The following SLAMF1 variants were observed in gnomAD, a reference collection of about 807,000 sequenced individuals.
The protein encoded by SLAMF1 is signaling lymphocytic activation molecule family member 1, also known as signaling lymphocytic activation molecule.
Under a neutral mutation model 35.1 loss-of-function variants are expected in SLAMF1, and 18 were observed. That is an observed-to-expected ratio of 0.51 (90% CI 0.35 to 0.76). The LOEUF (loss-of-function observed/expected upper bound fraction) is 0.76. Ranked by LOEUF, SLAMF1 falls within the 30% of genes least tolerant of loss-of-function variation. The pLI is 0.01. For missense variants in SLAMF1, 392 were observed against 413.0 expected (o/e 0.95, Z 0.44); for synonymous variants, 168 against 157.2 (o/e 1.07, Z -0.51).
intron 1 of SLAMF1, among the ~76,000 whole-genome samples, chr1:160,646,001 A>G (rs925971045): frequency 6.6e-6 from 1 of 152,170 alleles, no homozygotes; most frequent in East Asian, 1.9e-4. Flanking sequence ...AATAAGCAGA[A>G]GGAGATTCTC....
chr1:160,608,954 C>A lies in SLAMF1; in HGVS notation c.*1794G>T, dbSNP rs1394683632. On this transcript the variant is annotated 3_prime_UTR_variant, in exon 7 of 7. Coordinates refer to ENST00000302035, the MANE Select transcript of SLAMF1 (RefSeq NM_003037.5). The stretch of plus-strand genomic sequence containing the variant: ...TGCCAGATATTCAATTCCCAGCCCC[C>A]CTTGGAGATAGGACATGGACATGTG... 6.6e-6 allele frequency: 1 copy of A among 152,142 alleles called. No individual in the cohort carries two copies. The highest frequency in any genetic ancestry group is 2.4e-5 in the African/African-American group (1 of 41,420). The allele number at this position is 152,142 out of a possible 1,614,324, so 9.4% of individuals were successfully genotyped here. A position where few individuals can be genotyped will look rare whatever the true frequency, so the allele number is the denominator to read the frequency against.
chr1:160,638,155 T>TA lies in SLAMF1; in HGVS notation c.77-627dup, dbSNP rs11344567. 4.8e-3 allele frequency among the ~76,000 whole-genome samples: 714 copies of TA among 148,320 alleles called. 2 individuals are homozygous for TA. Among genetic ancestry groups the TA allele is most frequent in the Non-Finnish European group, 6.5e-3 (436 of 66,678 alleles). The stretch of plus-strand genomic sequence containing the variant: ...AAAAAAGCTGAGCCAACAACAAGGT[T>TA]AAAAAAAAAAATACCAAGAGCCTTT... On this transcript the variant is annotated intron_variant, in intron 1 of 6. Transcript: ENST00000302035.
At chr1:160,627,832 G>T (rs888358790) in intron 3 of SLAMF1, among the ~76,000 whole-genome samples, 2 of 152,022 alleles carry the variant, frequency 1.3e-5, no homozygotes, top group Admixed American at 1.3e-4. Flanking sequence ...GTTTGGCCAC[G>T]CCCCCACCCA....
chr1:160,637,214 A>G lies in SLAMF1; in HGVS notation c.392T>C (p.Phe131Ser). 1 of 1,614,014 alleles carries G rather than the reference A, an allele frequency of 6.2e-7. No homozygotes were observed. The highest frequency in any genetic ancestry group is 8.5e-7 in the Non-Finnish European group (1 of 1,179,940). ...TLEKNVSVQR[F>S]CLQLRLYEQV... Reference sequence around the variant, plus strand: ...ACCATAAAGCCTCAACTGCAGGCAAAAGCGCTGAACTGAAACATTTTTCTC... The same window carrying G: ...ACCATAAAGCCTCAACTGCAGGCAAGAGCGCTGAACTGAAACATTTTTCTC... Residue 131 changes from phenylalanine to serine, a missense_variant, in exon 2 of 7, where the codon TTT (phenylalanine) becomes TCT (serine). By Grantham distance (155) the Phe-to-Ser change is radical. Coordinates refer to ENST00000302035, the MANE Select transcript of SLAMF1 (RefSeq NM_003037.5).
intron 4 of SLAMF1, 45 bp downstream of exon 4, chr1:160,624,051 A>T (rs76675713): frequency 0.015 from 20,122 of 1,372,994 alleles, 168 homozygotes; most frequent in Non-Finnish European, 0.017. Context: ...TCCCCTGCTT[A>T]CCACAGAGAG....
intron 5 of SLAMF1, among the ~76,000 whole-genome samples, chr1:160,616,837 T>C (rs1483242876): frequency 6.6e-6 from 1 of 152,168 alleles, no homozygotes; most frequent in Non-Finnish European, 1.5e-5. Flanking sequence ...AATTAGACTG[T>C]TAATACCAAG....
Position 160,610,803 on chromosome 1 carries a change from G to T in SLAMF1, c.958-5C>A. 6.2e-7 allele frequency: 1 copy of T among 1,608,706 alleles called. No homozygotes were observed. The highest frequency in any genetic ancestry group is 8.5e-7 in the Non-Finnish European group (1 of 1,175,054). ...GACTGTGATGGAATTTGTTTCCTGG[G>T]GACAAAGCAGAAGTCTGTGAGTAGA... On this transcript the variant is annotated splice_region_variant and splice_polypyrimidine_tract_variant and intron_variant, in intron 6 of 6. Transcript: ENST00000302035.
chr1:160,610,045 C>G lies in SLAMF1; in HGVS notation c.*703G>C. On this transcript the variant is annotated 3_prime_UTR_variant, in exon 7 of 7. Coordinates refer to ENST00000302035, the MANE Select transcript of SLAMF1 (RefSeq NM_003037.5). Reference sequence around the variant, plus strand: ...AAAACTGAATGCCATTTGCACAGAACTGTACTTTTAAGGCTCTTACATGGT... The same window carrying G: ...AAAACTGAATGCCATTTGCACAGAAGTGTACTTTTAAGGCTCTTACATGGT... The G allele has an allele frequency of 3.5e-6, 1 of 284,360 alleles. No individual in the cohort carries two copies. Among genetic ancestry groups the G allele is most frequent in the Non-Finnish European group, 6.9e-6 (1 of 144,154 alleles). 17.6% of individuals were successfully genotyped at this position (284,360 alleles called of 1,614,324 possible). A position where few individuals can be genotyped will look rare whatever the true frequency, so the allele number is the denominator to read the frequency against.
intron 6 of SLAMF1, 59 bp downstream of exon 6, chr1:160,612,429 C>T: frequency 8.5e-7 from 1 of 1,171,468 alleles, no homozygotes; most frequent in Non-Finnish European, 1.2e-6. Flanking sequence ...AAAACTTCCT[C>T]ATTTTCCCCT....
At chr1:160,638,114 T>G (rs1402070008) in intron 1 of SLAMF1, among the ~76,000 whole-genome samples, 1 of 151,972 alleles carries the variant, frequency 6.6e-6, no homozygotes, top group East Asian at 1.9e-4. Flanking sequence ...GAGATATTAC[T>G]GTATTTCTCT....
At chr1:160,626,355 C>T (rs747326035) in intron 3 of SLAMF1, among the ~76,000 whole-genome samples, 6 of 152,160 alleles carry the variant, frequency 3.9e-5, no homozygotes, top group Admixed American at 2.0e-4. Context: ...GACATGACAA[C>T]GCCGGCCCTC....
intron 3 of SLAMF1, among the ~76,000 whole-genome samples, chr1:160,634,012 A>G (rs922898282): frequency 1.3e-5 from 2 of 152,296 alleles, no homozygotes; most frequent in African/African-American, 2.4e-5. Context: ...TTTTTCCTCA[A>G]ACTTCACAGT....
In SLAMF1 at chr1:160,637,233, T is replaced by G; in HGVS notation, c.373A>C (p.Asn125His). 6.2e-7 allele frequency: 1 copy of G among 1,613,964 alleles called. No homozygotes were observed. Among genetic ancestry groups the G allele is most frequent in the South Asian group, 1.1e-5 (1 of 91,078 alleles). ...EGWYLMTLEK[N>H]VSVQRFCLQL... ...AGGCAAAAGCGCTGAACTGAAACAT[T>G]TTTCTCCAGGGTCATAAGGTACCAT... The change falls in exon 2 of 7, where the codon AAT becomes CAT. Residue 125 changes from asparagine (N) to histidine (H), a missense_variant. Asn to His is a moderately conservative substitution (Grantham distance 68). Coordinates refer to ENST00000302035, the MANE Select transcript of SLAMF1 (RefSeq NM_003037.5).
chr1:160,621,432 G>A (rs145412101), intron 4 of SLAMF1, among the ~76,000 whole-genome samples: 9 of 151,854 alleles, frequency 5.9e-5, no homozygotes, highest in East Asian at 3.9e-4. Flanking sequence ...GGTGGCACGC[G>A]CTTATAATTT....
intron 3 of SLAMF1, among the ~76,000 whole-genome samples, chr1:160,625,990 C>A (rs1352200845): frequency 2.0e-5 from 3 of 152,100 alleles, no homozygotes; most frequent in Non-Finnish European, 2.9e-5. Context: ...GTTTCGTCAG[C>A]CTATGGAACT....
rs1019812716 is a variant in SLAMF1 at position 160,642,897 on chromosome 1, AAATC to A, written c.76+3969_76+3972del. Among the ~76,000 whole-genome samples the A allele has an allele frequency of 5.3e-5, 8 of 152,218 alleles. No homozygotes were observed. The highest frequency in any genetic ancestry group is 1.9e-4 in the African/African-American group (8 of 41,452). ...GAACGCTCCTTCTCAAGTTCCATAA[AAATC>A]AAGCCCATCGGACCCATTTATTTGG... On this transcript the variant is annotated intron_variant, in intron 1 of 6. Transcript: ENST00000302035. The surrounding 1 kb of genome is among the most constrained non-coding windows in gnomAD (Gnocchi z 4.2).
In SLAMF1 at chr1:160,634,651, G is replaced by A; in HGVS notation, c.662C>T (p.Thr221Ile). 6.2e-7 allele frequency: 1 copy of A among 1,613,804 alleles called. No individual in the cohort carries two copies. The highest frequency in any genetic ancestry group is 1.1e-5 in the South Asian group (1 of 91,044). ...VSNPISNNSQ[T>I]FSPWPGCRTD... ...CCTGCATCCGGGCCACGGGCTGAAG[G>A]TCTGGGAATTGTTGCTGATAGGGTT... The change falls in exon 3 of 7, where the codon ACC becomes ATC. Residue 221 changes from threonine to isoleucine, a missense_variant. Physicochemically the swap from Thr to Ile is moderately conservative, Grantham distance 89 (BLOSUM62 -1). Coordinates refer to ENST00000302035, the MANE Select transcript of SLAMF1 (RefSeq NM_003037.5).
intron 3 of SLAMF1, 74 bp from the exon 4 acceptor site, chr1:160,624,259 A>C: frequency 9.7e-7 from 1 of 1,028,744 alleles, no homozygotes; most frequent in Non-Finnish European, 1.5e-6. Flanking sequence ...TGAAAGTGGG[A>C]TAATGGAGCC....
At chr1:160,619,259 C>T (rs2102283082) in intron 5 of SLAMF1, among the ~76,000 whole-genome samples, 1 of 152,300 alleles carries the variant, frequency 6.6e-6, no homozygotes, top group South Asian at 2.1e-4. Context: ...TCCTTCACTT[C>T]TTAGTCCAGT....
Sources: gnomAD v4.1 joint callset for allele counts (sites outside exome capture counted in the v4.1 genomes callset) on GRCh38, gnomAD v4.1.1 for gene constraint, Gnocchi (gnomAD v3.1) non-coding constraint, MANE v1.5 for transcripts, NCBI Gene and HGNC (gene_info 2026-07-23, HGNC 2026-07-21) for gene names.